TANC2: variants seen among roughly 807,000 people sequenced by gnomAD.
TANC2 encodes the protein tetratricopeptide repeat, ankyrin repeat and coiled-coil containing 2, also known as protein TANC2.
In TANC2, 26 loss-of-function variants were observed where a neutral mutation model predicts 210.5. The observed-to-expected ratio is 0.12, with a 90% CI of 0.09 to 0.17. The LOEUF (loss-of-function observed/expected upper bound fraction) is 0.17. TANC2 is among the 10% of genes least tolerant of loss of function. The pLI, the probability that TANC2 is intolerant of heterozygous loss-of-function variation, is 1.00. For missense variants in TANC2, 2,129 were observed against 2,608.9 expected (o/e 0.82, Z 4.01); for synonymous variants, 931 against 967.1 (o/e 0.96, Z 0.69).
At chr17:63,364,242 G>C (rs2047046448) in intron 14 of TANC2, among the ~76,000 whole-genome samples, 1 of 152,134 alleles carries the variant, frequency 6.6e-6, no homozygotes, top group Non-Finnish European at 1.5e-5. Context: ...AGCTTTACAA[G>C]TTTGTTTTGT....
chr17:63,179,653 G>A (rs971520599), intron 5 of TANC2, among the ~76,000 whole-genome samples: 12 of 151,888 alleles, frequency 7.9e-5, no homozygotes, highest in African/African-American at 2.9e-4. Context: ...TGTTGAATTG[G>A]CAAGTCAAAC....
At chr17:63,415,010 T>C (rs2048815969) in intron 25 of TANC2, among the ~76,000 whole-genome samples, 1 of 152,164 alleles carries the variant, frequency 6.6e-6, no homozygotes, top group Non-Finnish European at 1.5e-5. Context: ...TTTTATGCCA[T>C]GAGATTAGGG....
At chr17:63,379,163 G>A (rs2147075487) in intron 14 of TANC2, among the ~76,000 whole-genome samples, 1 of 152,250 alleles carries the variant, frequency 6.6e-6, no homozygotes, top group East Asian at 1.9e-4. Context: ...ATCTTGTAAT[G>A]CCATCTGTGT....
At chr17:63,195,846 A>G (rs970445897) in intron 6 of TANC2, among the ~76,000 whole-genome samples, 2 of 152,134 alleles carry the variant, frequency 1.3e-5, no homozygotes, top group Non-Finnish European at 2.9e-5. Flanking sequence ...AGAAGGCTAC[A>G]CCTGATCTAG....
At chr17:63,379,858 C>G (rs983708389) in intron 15 of TANC2, 32 bp downstream of exon 15, 2 of 1,543,068 alleles carry the variant, frequency 1.3e-6, no homozygotes, top group South Asian at 2.3e-5. Context: ...ATTTTTCCGC[C>G]ATCTCTAGCA....
chr17:63,389,175 T>C (rs2047882822), intron 16 of TANC2, 133 bp from the exon 17 acceptor site: 1 of 703,440 alleles, frequency 1.4e-6, no homozygotes, highest in South Asian at 2.0e-5. Flanking sequence ...AAGGAGCAAA[T>C]GAGATTATAA....
intron 4 of TANC2, among the ~76,000 whole-genome samples, chr17:63,133,091 A>G (rs2038974415): frequency 6.6e-6 from 1 of 152,104 alleles, no homozygotes; most frequent in Non-Finnish European, 1.5e-5. Context: ...CTCCTGCCTC[A>G]GTCTCCCAAG....
intron 5 of TANC2, among the ~76,000 whole-genome samples, chr17:63,184,212 A>G (rs1007707216): frequency 3.3e-5 from 5 of 152,214 alleles, no homozygotes; most frequent in Non-Finnish European, 7.3e-5. Flanking sequence ...TGTTTAGAGT[A>G]GTAAGTTTGC....
intron 1 of TANC2, among the ~76,000 whole-genome samples, chr17:62,986,283 GA>G (rs2032560982): frequency 6.6e-6 from 1 of 152,170 alleles, no homozygotes; most frequent in Admixed American, 6.5e-5. Flanking sequence ...GCTGGGTTTG[GA>G]AGCCGGGGAC....
chr17:63,033,801 G>A (rs933749698), intron 2 of TANC2, among the ~76,000 whole-genome samples: 6 of 152,140 alleles, frequency 3.9e-5, no homozygotes, highest in African/African-American at 1.4e-4. Flanking sequence ...TTGGGTTATG[G>A]ACCCACAGGA....
chr17:63,298,936 G>A (rs759154784), intron 9 of TANC2, among the ~76,000 whole-genome samples: 5 of 151,820 alleles, frequency 3.3e-5, no homozygotes, highest in African/African-American at 7.3e-5. Flanking sequence ...CACATCCCCC[G>A]ACTGGCCCTG....
intron 14 of TANC2, among the ~76,000 whole-genome samples, chr17:63,362,306 T>C (rs908528795): frequency 3.3e-5 from 5 of 152,278 alleles, no homozygotes; most frequent in Middle Eastern, 3.4e-3. Context: ...TGCATGCTAA[T>C]TGGTTCATGG....
At chr17:63,116,920 G>A (rs1315304925) in intron 4 of TANC2, 1 of 151,970 alleles carries the variant, frequency 6.6e-6, no homozygotes, top group Non-Finnish European at 1.5e-5. Context: ...ATTTTTTGTT[G>A]GTGCCTACTA....
At chr17:63,174,386 C>G (rs1050263658) in intron 5 of TANC2, among the ~76,000 whole-genome samples, 3 of 152,154 alleles carry the variant, frequency 2.0e-5, no homozygotes, top group Non-Finnish European at 2.9e-5. Flanking sequence ...TTGGAAAACA[C>G]AAAGTTTCAA....
At chr17:63,156,351 A>C (rs1007567035) in intron 5 of TANC2, among the ~76,000 whole-genome samples, 1 of 152,114 alleles carries the variant, frequency 6.6e-6, no homozygotes, top group Non-Finnish European at 1.5e-5. Flanking sequence ...ACAGGTTCTC[A>C]AAACAGTTGG....
intron 14 of TANC2, among the ~76,000 whole-genome samples, chr17:63,378,645 C>A (rs961644398): frequency 6.6e-6 from 1 of 152,216 alleles, no homozygotes; most frequent in African/African-American, 2.4e-5. Context: ...AGAGCTTTCT[C>A]TTTCATAAAC....
intron 2 of TANC2, among the ~76,000 whole-genome samples, chr17:63,049,826 G>A (rs1370812351): frequency 1.3e-5 from 2 of 152,150 alleles, no homozygotes; most frequent in Non-Finnish European, 2.9e-5. Flanking sequence ...GGTGGTGGTA[G>A]CAGAGGGTGA....
intron 4 of TANC2, among the ~76,000 whole-genome samples, chr17:63,124,157 C>A (rs888197610): frequency 2.6e-5 from 4 of 151,878 alleles, no homozygotes; most frequent in Non-Finnish European, 2.9e-5. Flanking sequence ...GAAAACAAGA[C>A]CTAATCAGGC....
chr17:63,052,451 G>A (rs1293319605), intron 2 of TANC2, among the ~76,000 whole-genome samples: 1 of 152,110 alleles, frequency 6.6e-6, no homozygotes, highest in Non-Finnish European at 1.5e-5. Context: ...AATTGATAGC[G>A]GCCTTATAAT....
Sources: gnomAD v4.1 joint callset for allele counts (sites outside exome capture counted in the v4.1 genomes callset) on GRCh38, gnomAD v4.1.1 for gene constraint, MANE v1.5 for transcripts, NCBI Gene and HGNC (gene_info 2026-07-23, HGNC 2026-07-21) for gene names.